Variants in TMEM86B observed in about 807,000 individuals in gnomAD.
TMEM86B encodes lysoplasmalogenase TMEM86B.
Under a neutral mutation model 12.3 loss-of-function variants are expected in TMEM86B, and 15 were observed. The ratio of observed to expected loss-of-function variants is 1.22; its 90% CI spans 0.81 to 1.87. TMEM86B has a LOEUF of 1.87. TMEM86B is among the 40% of genes most tolerant of loss of function. TMEM86B has a pLI of 0.00. For missense variants in TMEM86B, 328 were observed against 297.4 expected, an observed-to-expected ratio of 1.10 and a Z score of -0.76; for synonymous variants, 173 against 140.3, an observed-to-expected ratio of 1.23 and a Z score of -1.65.
Position 55,226,903 on chromosome 19 carries a change from G to A in TMEM86B, c.*278C>T. 1 of 352,262 alleles carries A rather than the reference G, an allele frequency of 2.8e-6. No homozygotes were observed. The highest frequency in any genetic ancestry group is 5.1e-6 in the Non-Finnish European group (1 of 196,002). 21.8% of individuals were successfully genotyped at this position (352,262 alleles called of 1,614,324 possible). ...CTGTGGGGCCGACAGTGAACATGGAGGCAGGCTGGTGGCTGGGAGGGCTCC... is the reference window on the plus strand; with the variant it reads ...CTGTGGGGCCGACAGTGAACATGGAAGCAGGCTGGTGGCTGGGAGGGCTCC... On this transcript the variant is annotated 3_prime_UTR_variant, in exon 3 of 3. Transcript: ENST00000327042.
chr19:55,228,592 G>A (rs1352644956), intron 1 of TMEM86B, 99 bp downstream of exon 1: 39 of 1,528,164 alleles, frequency 2.6e-5, no homozygotes, highest in Non-Finnish European at 3.4e-5. Context: ...GCTTCCCAGG[G>A]CCCAACCAAC....
chr19:55,228,289 A>G lies in TMEM86B; in HGVS notation c.200T>C (p.Met67Thr), dbSNP rs774359757. The G allele has an allele frequency of 2.0e-5, 33 of 1,613,580 alleles. No individual in the cohort carries two copies. In the South Asian group the frequency reaches 3.6e-4, roughly 18 times the overall value. Reference sequence around the variant, plus strand: ...CTGGGTGTAGCCCCCGCTTGGGGACATGACCCACAGGAACCCAGCCAGGCA... The same window carrying G: ...CTGGGTGTAGCCCCCGCTTGGGGACGTGACCCACAGGAACCCAGCCAGGCA... ...VLCLAGFLWV[M>T]SPSGGYTQLL... The change falls in exon 2 of 3, where the codon ATG becomes ACG. Residue 67 changes from methionine to threonine, a missense_variant. Physicochemically the swap from Met to Thr is moderately conservative, Grantham distance 81 (BLOSUM62 -1). Coordinates refer to ENST00000327042, the MANE Select transcript of TMEM86B (RefSeq NM_173804.5).
At chr19:55,228,559 A>C (rs1204268743) in intron 1 of TMEM86B, 122 bp from the exon 2 acceptor site, 1 of 1,522,636 alleles carries the variant, frequency 6.6e-7, no homozygotes, top group Non-Finnish European at 8.8e-7. Flanking sequence ...GGACCCATTC[A>C]GGGACCAGGC....
Position 55,226,824 on chromosome 19 carries a change from G to A in TMEM86B, c.*357C>T, listed in dbSNP as rs759183274. ...CTCCTACGGTAACAGCAACATCTAC[G>A]GTTCCACACCCACAGGGAAAACGGA... On this transcript the variant is annotated 3_prime_UTR_variant, in exon 3 of 3. Transcript: ENST00000327042. 9 of 227,744 alleles carry A rather than the reference G, an allele frequency of 4.0e-5. No homozygotes were observed. Among genetic ancestry groups the A allele is most frequent in the East Asian group, 8.8e-5 (1 of 11,334 alleles). 14.1% of individuals were successfully genotyped at this position (227,744 alleles called of 1,614,324 possible). A position where few individuals can be genotyped will look rare whatever the true frequency, so the allele number is the denominator to read the frequency against.
chr19:55,228,692 T>C lies in TMEM86B; in HGVS notation c.50A>G (p.Gln17Arg). 1 of 1,612,634 alleles carries C rather than the reference T, an allele frequency of 6.2e-7. No individual in the cohort carries two copies. The highest frequency in any genetic ancestry group is 8.5e-7 in the Non-Finnish European group (1 of 1,179,542). ...GQTLKTHCSA[Q>R]RPDVCRWLSP... ...AGGCACAGCTCAGAAGGCTCTCACC[T>C]GGGCTGAGCAGTGAGTCTTCAGGGT... is the stretch of plus-strand genomic sequence containing the variant. The change falls in exon 1 of 3, where the codon CAG becomes CGG. Residue 17 changes from glutamine (Q) to arginine (R), a missense_variant and splice_region_variant. Transcript: ENST00000327042.
chr19:55,227,269 G>A lies in TMEM86B; in HGVS notation c.593C>T (p.Ala198Val), dbSNP rs1431790405. ...WDTFAQPLPH[A>V]HLVIMTTYYA... ...GTAGGTGGTCATGATCACCAGGTGGGCATGGGGCAGGGGCTGGGCGAAGGT... is the reference window on the plus strand; with the variant it reads ...GTAGGTGGTCATGATCACCAGGTGGACATGGGGCAGGGGCTGGGCGAAGGT... The change falls in exon 3 of 3, where the codon GCC becomes GTC. Residue 198 changes from alanine to valine, a missense_variant. Physicochemically the swap from Ala to Val is moderately conservative, Grantham distance 64. Transcript: ENST00000327042. The A allele has an allele frequency of 1.2e-6, 2 of 1,606,420 alleles. No individual in the cohort carries two copies. The highest frequency in any genetic ancestry group is 4.5e-5 in the East Asian group (2 of 44,656).
At chr19:55,227,950 T>C (rs1160657350) in intron 2 of TMEM86B, 1 of 700,770 alleles carries the variant, frequency 1.4e-6, no homozygotes, top group South Asian at 2.0e-5. Flanking sequence ...GCAACCCTGC[T>C]TCAAACTGCA....
Position 55,227,064 on chromosome 19 carries a change from G to T in TMEM86B, c.*117C>A. The T allele has an allele frequency of 8.2e-7, 1 of 1,216,876 alleles. No individual in the cohort carries two copies. Among genetic ancestry groups the T allele is most frequent in the Non-Finnish European group, 1.1e-6 (1 of 937,380 alleles). The allele number at this position is 1,216,876 out of a possible 1,614,324, so 75.4% of individuals were successfully genotyped here. ...AGAAGCGACGGCGGCAGCGGCGCCT[G>T]CAGACAGGCGTCAGGAAGCTTCGCT... On this transcript the variant is annotated 3_prime_UTR_variant, in exon 3 of 3. Coordinates refer to ENST00000327042, the MANE Select transcript of TMEM86B (RefSeq NM_173804.5).
At chr19:55,227,702 A>C in intron 2 of TMEM86B, 139 bp from the exon 3 acceptor site, 1 of 1,137,118 alleles carries the variant, frequency 8.8e-7, no homozygotes, top group Non-Finnish European at 1.2e-6. Flanking sequence ...AGGTCTCCCC[A>C]CATGCAGTGT....
chr19:55,228,250 G>T lies in TMEM86B; in HGVS notation c.239C>A (p.Ala80Asp). The T allele has an allele frequency of 6.2e-7, 1 of 1,612,620 alleles. No individual in the cohort carries two copies. The highest frequency in any genetic ancestry group is 8.5e-7 in the Non-Finnish European group (1 of 1,179,660). ...GTCCCCCACAGCCGAGCACACAAGG[G>T]CTCCCTGGAGGAGCTGGGTGTAGCC... ...SGGYTQLLQG[A>D]LVCSAVGDAC... Residue 80 changes from alanine to aspartate, a missense_variant, in exon 2 of 3, where the codon GCC becomes GAC. By Grantham distance (126) the Ala-to-Asp change is moderately radical. Coordinates refer to ENST00000327042, the MANE Select transcript of TMEM86B (RefSeq NM_173804.5).
intron 2 of TMEM86B, 96 bp downstream of exon 2, chr19:55,228,094 AG>A: frequency 2.0e-6 from 3 of 1,475,614 alleles, no homozygotes; most frequent in Non-Finnish European, 2.7e-6. Flanking sequence ...TGACCACTGG[AG>A]CTCTCACAGG....
chr19:55,227,497 G>C lies in TMEM86B; in HGVS notation c.365C>G (p.Pro122Arg). ...CAGGATGATGAGCAGCAGCAGGCCG[G>C]GCTGCAGGGGAGAGAAGCCGAAGGC... ...VWAFGFSPLQ[P>R]GLLLLIILAP... Residue 122 changes from proline to arginine, a missense_variant, in exon 3 of 3, where the codon CCC becomes CGC. Physicochemically the swap from Pro to Arg is moderately radical, Grantham distance 103. Coordinates refer to ENST00000327042, the MANE Select transcript of TMEM86B (RefSeq NM_173804.5). 1 of 1,551,352 alleles carries C rather than the reference G, an allele frequency of 6.4e-7. No homozygotes were observed. Among genetic ancestry groups the C allele is most frequent in the Non-Finnish European group, 8.7e-7 (1 of 1,147,006 alleles).
Position 55,227,562 on chromosome 19 carries a change from G to T in TMEM86B, c.300C>A (p.Gly100=). ...CLIWPAAFVP[G]MAAFATAHLL... Reference sequence around the variant, plus strand: ...GGTGGGCGGTGGCAAAGGCGGCCATGCCTGGCGGGAGAGGGGTGGGGTACC... The same window carrying T: ...GGTGGGCGGTGGCAAAGGCGGCCATTCCTGGCGGGAGAGGGGTGGGGTACC... Residue 100 remains glycine, a splice_region_variant and synonymous_variant, in exon 3 of 3, where the codon GGC becomes GGA. Transcript: ENST00000327042. 1 of 1,525,180 alleles carries T rather than the reference G, an allele frequency of 6.6e-7. No individual in the cohort carries two copies. The highest frequency in any genetic ancestry group is 1.2e-5 in the South Asian group (1 of 81,194). The allele number at this position is 1,525,180 out of a possible 1,614,324, so 94.5% of individuals were successfully genotyped here.
rs1432000911 is a variant in TMEM86B, at chr19:55,228,416, G to C, written c.73C>G (p.Leu25Val). Residue 25 changes from leucine (L) to valine (V), a missense_variant, in exon 2 of 3, where the codon CTG becomes GTG. By Grantham distance (32) the Leu-to-Val change is conservative (BLOSUM62 1). Transcript: ENST00000327042. Reference sequence around the variant, plus strand: ...CAGCAGGAGAGGATGAAGGGGCTCAGCCACCTGCAGACATCTGGGCGCTTT... The same window carrying C: ...CAGCAGGAGAGGATGAAGGGGCTCACCCACCTGCAGACATCTGGGCGCTTT... ...SAQRPDVCRW[L>V]SPFILSCCVY... 1.9e-6 allele frequency: 3 copies of C among 1,612,834 alleles called. No individual in the cohort carries two copies. Among genetic ancestry groups the C allele is most frequent in the East Asian group, 4.5e-5 (2 of 44,882 alleles).
chr19:55,227,134 C>T lies in TMEM86B; in HGVS notation c.*47G>A. The T allele has an allele frequency of 7.1e-7, 1 of 1,417,376 alleles. No homozygotes were observed. Among genetic ancestry groups the T allele is most frequent in the Non-Finnish European group, 9.3e-7 (1 of 1,079,274 alleles). 87.8% of individuals were successfully genotyped at this position (1,417,376 alleles called of 1,614,324 possible). On this transcript the variant is annotated 3_prime_UTR_variant, in exon 3 of 3. Coordinates refer to ENST00000327042, the MANE Select transcript of TMEM86B (RefSeq NM_173804.5). ...CTGGGCTGGGCTGGGAGGCCCAGGT[C>T]CTTGCAGGAGGAGAGGGCCTGAACA...
At position 55,228,444 on chromosome 19, in the gene TMEM86B, G is replaced by A. The variant is rs955566734; in HGVS notation, c.52-7C>T. 6.2e-7 allele frequency: 1 copy of A among 1,610,412 alleles called. No individual in the cohort carries two copies. Among genetic ancestry groups the A allele is most frequent in the Non-Finnish European group, 8.5e-7 (1 of 1,179,958 alleles). ...ACCTGCAGACATCTGGGCGCTTTGG[G>A]GAGTGGGGAGCTACTGAGCCGAAAC... is the stretch of plus-strand genomic sequence containing the variant. On this transcript the variant is annotated splice_region_variant and splice_polypyrimidine_tract_variant and intron_variant, in intron 1 of 2. Transcript: ENST00000327042.
At position 55,227,301 on chromosome 19, in the gene TMEM86B, G is replaced by C. The variant is rs767345743; in HGVS notation, c.561C>G (p.Ala187=). 6.2e-7 allele frequency: 1 copy of C among 1,609,684 alleles called. No homozygotes were observed. Among genetic ancestry groups the C allele is most frequent in the East Asian group, 2.2e-5 (1 of 44,742 alleles). Residue 187 remains alanine, a synonymous_variant, in exon 3 of 3, where the codon GCC becomes GCG. Coordinates refer to ENST00000327042, the MANE Select transcript of TMEM86B (RefSeq NM_173804.5). The part of the protein sequence containing the change: ...LLFTLSDGVL[A]WDTFAQPLPH... ...GCAGGGGCTGGGCGAAGGTGTCCCAGGCCAGCACGCCATCAGAGAGCGTGA... is the reference window on the plus strand; with the variant it reads ...GCAGGGGCTGGGCGAAGGTGTCCCACGCCAGCACGCCATCAGAGAGCGTGA...
rs982233839 is a variant in TMEM86B at position 55,227,546 on chromosome 19, T to C, written c.316A>G (p.Thr106Ala). 1 of 1,531,692 alleles carries C rather than the reference T, an allele frequency of 6.5e-7. No homozygotes were observed. Among genetic ancestry groups the C allele is most frequent in the Non-Finnish European group, 8.8e-7 (1 of 1,134,376 alleles). 94.9% of individuals were successfully genotyped at this position (1,531,692 alleles called of 1,614,324 possible). A position where few individuals can be genotyped will look rare whatever the true frequency, so the allele number is the denominator to read the frequency against. ...AFVPGMAAFATAHLLYVWAFG... is the reference protein window; with the variant it reads ...AFVPGMAAFAAAHLLYVWAFG... ...GCCCAGACGTAGAGGAGGTGGGCGG[T>C]GGCAAAGGCGGCCATGCCTGGCGGG... Residue 106 changes from threonine (T) to alanine (A), a missense_variant, in exon 3 of 3, where the codon ACC (threonine) becomes GCC (alanine). Thr to Ala is a moderately conservative substitution (Grantham distance 58). Transcript: ENST00000327042.
Position 55,227,458 on chromosome 19 carries a change from T to C in TMEM86B, c.404A>G (p.Tyr135Cys), listed in dbSNP as rs935176910. 1 of 1,557,832 alleles carries C rather than the reference T, an allele frequency of 6.4e-7. No individual in the cohort carries two copies. Among genetic ancestry groups the C allele is most frequent in the African/African-American group, 1.4e-5 (1 of 73,542 alleles). The part of the protein sequence containing the change: ...LLLIILAPGP[Y>C]LSLVLQHLEP... ...GAGGTGCTGGAGCACAAGGCTGAGG[T>C]AGGGGCCAGGGGCCAGGATGATGAG... The change falls in exon 3 of 3, where the codon TAC (tyrosine) becomes TGC (cysteine). Residue 135 changes from tyrosine to cysteine, a missense_variant. By Grantham distance (194) the Tyr-to-Cys change is radical. Coordinates refer to ENST00000327042, the MANE Select transcript of TMEM86B (RefSeq NM_173804.5).
Sources: gnomAD v4.1 joint callset for allele counts on GRCh38, gnomAD v4.1.1 for gene constraint, MANE v1.5 for transcripts, NCBI Gene and HGNC (gene_info 2026-07-23, HGNC 2026-07-21) for gene names.